The following SP110 variants were observed in gnomAD, a reference collection of about 807,000 sequenced individuals.
SP110 encodes the protein SP110 nuclear body protein, also known as interferon-induced protein 41, 30kD.
A neutral mutation model predicts 92.7 loss-of-function variants in SP110; 62 were observed. The ratio of observed to expected loss-of-function variants is 0.67; its 90% CI spans 0.55 to 0.83. SP110 has a LOEUF of 0.83. SP110 is among the 40% of genes least tolerant of loss of function. The pLI, the probability that SP110 is intolerant of heterozygous loss-of-function variation, is 0.00. For missense variants in SP110, 793 were observed against 863.9 expected (o/e 0.92, Z 1.03); for synonymous variants, 273 against 305.3 (o/e 0.89, Z 1.10).
In SP110 at chr2:230,212,900, G is replaced by T; in HGVS notation, c.444C>A (p.Ser148Arg). 6.2e-7 allele frequency: 1 copy of T among 1,614,114 alleles called. No homozygotes were observed. The highest frequency in any genetic ancestry group is 1.1e-5 in the South Asian group (1 of 91,086). Residue 148 changes from serine (S) to arginine (R), a missense_variant, in exon 4 of 19, where the codon AGC becomes AGA. By Grantham distance (110) the Ser-to-Arg change is moderately radical. Transcript: ENST00000258381. Reference protein sequence around the residue: ...ALPPPQPPQPSCSPCAPRVSE... With the variant: ...ALPPPQPPQPRCSPCAPRVSE... ...TGACTCTTGGCGCACAGGGTGAACA[G>T]CTTGGTTGAGGGGGTTGTGGTGGGG...
At chr2:230,174,086 G>A (rs894993841) in intron 14 of SP110, 1 of 152,054 alleles carries the variant, frequency 6.6e-6, no homozygotes, top group African/African-American at 2.4e-5. Flanking sequence ...AGAACTCATA[G>A]AAAAGGATGG....
intron 15 of SP110, 44 bp from the exon 16 acceptor site, chr2:230,172,218 A>C: frequency 1.6e-6 from 2 of 1,216,606 alleles, no homozygotes; most frequent in Non-Finnish European, 2.5e-6. Context: ...AAGCCCCTGG[A>C]AATGGCCACC....
intron 10 of SP110, among the ~76,000 whole-genome samples, chr2:230,189,911 T>C (rs2042533939): frequency 6.6e-6 from 1 of 152,252 alleles, no homozygotes; most frequent in Non-Finnish European, 1.5e-5. Flanking sequence ...CCATGATGTA[T>C]ATGTACCACA....
At chr2:230,172,704 T>A in intron 15 of SP110, 140 bp downstream of exon 15, 1 of 643,466 alleles carries the variant, frequency 1.6e-6, no homozygotes, top group Non-Finnish European at 2.8e-6. Flanking sequence ...TCACTGGCAG[T>A]CTCAGAGACC....
chr2:230,171,545 C>A (rs2078440668), intron 17 of SP110, 151 bp downstream of exon 17: 3 of 707,656 alleles, frequency 4.2e-6, no homozygotes, highest in Non-Finnish European at 7.8e-6. Flanking sequence ...CCAGAGTGTG[C>A]AGCAAAATCC....
At position 230,186,178 on chromosome 2, in the gene SP110, C is replaced by T. The variant is rs781378166; in HGVS notation, c.1130-35G>A. 3.1e-6 allele frequency: 5 copies of T among 1,610,728 alleles called. No individual in the cohort carries two copies. The East Asian group carries it at 1.1e-4, about 36-fold the overall frequency. On this transcript the variant is annotated intron_variant, in intron 10 of 18. Coordinates refer to ENST00000258381, the MANE Select transcript of SP110 (RefSeq NM_080424.4). ...ATAGACTTGTGAATAGTTTAGTGAG[C>T]TCCCTTCTCATGTTCCCAGCCCCTA...
chr2:230,192,321 A>C lies in SP110; in HGVS notation c.1130-6178T>G, dbSNP rs971113539. Reference sequence around the variant, plus strand: ...AAGAGAAAGAAATAAAGCGTATTCAAATAGGAAGAGAGGAAGTCAAGTTGT... The same window carrying C: ...AAGAGAAAGAAATAAAGCGTATTCACATAGGAAGAGAGGAAGTCAAGTTGT... On this transcript the variant is annotated intron_variant, in intron 10 of 18. Coordinates refer to ENST00000258381, the MANE Select transcript of SP110 (RefSeq NM_080424.4). Among the ~76,000 whole-genome samples the C allele has an allele frequency of 2.0e-5, 3 of 152,218 alleles. No homozygotes were observed. In the South Asian group the frequency reaches 6.2e-4, roughly 31 times the overall value.
At chr2:230,220,481 T>C (rs1175985662), upstream of SP110, among the ~76,000 whole-genome samples, 1 of 151,882 alleles carries the variant, frequency 6.6e-6, no homozygotes, top group African/African-American at 2.4e-5. Flanking sequence ...CAGGAAGAAA[T>C]TGAAATGAAA....
At chr2:230,183,513 C>T (rs2042218691) in intron 12 of SP110, 59 bp downstream of exon 12, 2 of 1,117,110 alleles carry the variant, frequency 1.8e-6, no homozygotes, top group South Asian at 2.5e-5. Context: ...GTGGAGCTTC[C>T]AGCAGAGGCC....
At chr2:230,172,381 G>C (rs568079685) in intron 15 of SP110, 1 of 623,026 alleles carries the variant, frequency 1.6e-6, no homozygotes, top group Admixed American at 2.5e-5. Flanking sequence ...GCCTGAGGAA[G>C]GTGGTGTCAC....
At chr2:230,201,916 T>G (rs1424312745) in intron 9 of SP110, among the ~76,000 whole-genome samples, 3 of 152,190 alleles carry the variant, frequency 2.0e-5, no homozygotes, top group Non-Finnish European at 4.4e-5. Flanking sequence ...TCCACAGATA[T>G]CTCAAAAGAC....
At chr2:230,183,394 AG>A (rs910352742) in intron 12 of SP110, among the ~76,000 whole-genome samples, 177 bp downstream of exon 12, 2 of 152,120 alleles carry the variant, frequency 1.3e-5, no homozygotes, top group African/African-American at 4.8e-5. Flanking sequence ...ACCATGCACA[AG>A]GGGGTGGGTT....
At chr2:230,170,887 C>A in intron 17 of SP110, 126 bp from the exon 18 acceptor site, 2 of 952,496 alleles carry the variant, frequency 2.1e-6, no homozygotes, top group Non-Finnish European at 1.6e-6. Context: ...CCTCTTTAAG[C>A]CAGCTATTGT....
chr2:230,210,128 C>T (rs1023083228), intron 6 of SP110, 120 bp from the exon 7 acceptor site: 30 of 767,768 alleles, frequency 3.9e-5, no homozygotes, highest in Non-Finnish European at 5.9e-5. Context: ...CGGGAATCTG[C>T]TTGCCCTAAG....
upstream of SP110, among the ~76,000 whole-genome samples, chr2:230,223,693 A>G (rs1367728551): frequency 2.0e-5 from 3 of 152,252 alleles, no homozygotes; most frequent in Non-Finnish European, 4.4e-5. Context: ...GTTCAGAGTC[A>G]GGAATTTTGG....
intron 14 of SP110, 30 bp downstream of exon 14, chr2:230,177,508 T>C: frequency 1.2e-6 from 2 of 1,611,632 alleles, no homozygotes; most frequent in Non-Finnish European, 1.7e-6. Flanking sequence ...GATTTAAACC[T>C]GTCACCTATC....
chr2:230,200,992 GC>G, intron 9 of SP110, 27 bp from the exon 10 acceptor site: 1 of 1,555,170 alleles, frequency 6.4e-7, no homozygotes, highest in Non-Finnish European at 8.9e-7. Context: ...CTTAGTAAAT[GC>G]CCCTTGGGAA....
intron 9 of SP110, 29 bp from the exon 10 acceptor site, chr2:230,200,994 C>T: frequency 6.4e-7 from 1 of 1,550,748 alleles, no homozygotes; most frequent in Non-Finnish European, 8.9e-7. Context: ...TAGTAAATGC[C>T]CCTTGGGAAA....
chr2:230,170,847 T>C, intron 17 of SP110, 86 bp from the exon 18 acceptor site: 1 of 1,382,356 alleles, frequency 7.2e-7, no homozygotes, highest in Non-Finnish European at 1.0e-6. Context: ...AAGCCTTCAT[T>C]TCCAGGGTCA....
Sources: allele counts gnomAD v4.1 joint callset (sites outside exome capture counted in the v4.1 genomes callset), GRCh38; gene constraint gnomAD v4.1.1; transcripts MANE v1.5; gene names NCBI Gene and HGNC (gene_info 2026-07-23, HGNC 2026-07-21).